EDIL3: variants seen among roughly 807,000 people sequenced by gnomAD.
The protein encoded by EDIL3 is EGF-like repeat and discoidin I-like domain-containing protein 3.
In EDIL3, 37 loss-of-function variants were observed where a neutral mutation model predicts 67.4. The ratio of observed to expected loss-of-function variants is 0.55; its 90% CI spans 0.42 to 0.72. The LOEUF is 0.72. Ranked by LOEUF, EDIL3 falls within the 30% of genes least tolerant of loss-of-function variation. EDIL3 has a pLI of 0.00. For missense variants in EDIL3, 527 were observed against 586.3 expected, an observed-to-expected ratio of 0.90 and a Z score of 1.04; for synonymous variants, 195 against 196.3, an observed-to-expected ratio of 0.99 and a Z score of 0.05.
chr5:84,373,032 A>G (rs1455767733), intron 1 of EDIL3, among the ~76,000 whole-genome samples: 3 of 152,068 alleles, frequency 2.0e-5, no homozygotes, highest in Non-Finnish European at 4.4e-5. Flanking sequence ...GGGTCTGAAC[A>G]TGTGGTACCA....
At chr5:84,204,744 A>C (rs1743921836) in intron 3 of EDIL3, among the ~76,000 whole-genome samples, 1 of 151,778 alleles carries the variant, frequency 6.6e-6, no homozygotes, top group African/African-American at 2.4e-5. Flanking sequence ...ATAGTTCTTA[A>C]AATTTTCTTT....
In EDIL3 at chr5:84,141,485, A is replaced by T. The variant is rs893368921; in HGVS notation, c.356-4131T>A. Among the ~76,000 whole-genome samples the T allele has an allele frequency of 3.6e-4, 53 of 147,072 alleles. 1 individual carries two copies. Among genetic ancestry groups the T allele is most frequent in the African/African-American group, 1.3e-3 (52 of 40,632 alleles). On this transcript the variant is annotated intron_variant, in intron 4 of 10. Coordinates refer to ENST00000296591, the MANE Select transcript of EDIL3 (RefSeq NM_005711.5). ...TATGAAATTATGAAATATATATTTC[A>T]TAATTATATATATTATATATAATAT...
rs553731389 is a variant in EDIL3 at position 84,040,503 on chromosome 5, A to G, written c.1137+19797T>C. ...TTAATTATATATATAAAGGGTATATATAGATATATAATTATATATATATAT... is the reference window on the plus strand; with the variant it reads ...TTAATTATATATATAAAGGGTATATGTAGATATATAATTATATATATATAT... On this transcript the variant is annotated intron_variant, in intron 9 of 10. Transcript: ENST00000296591. 1.6e-3 allele frequency among the ~76,000 whole-genome samples: 240 copies of G among 148,068 alleles called. 2 individuals carry two copies. The highest frequency in any genetic ancestry group is 5.6e-3 in the African/African-American group (228 of 40,570).
chr5:84,382,220 T>C (rs1008775790), intron 1 of EDIL3, among the ~76,000 whole-genome samples: 3 of 152,198 alleles, frequency 2.0e-5, no homozygotes, highest in Non-Finnish European at 4.4e-5. Context: ...CTGAAGAATA[T>C]GGAGCATCCA....
chr5:84,024,719 A>C (rs1410052628), intron 9 of EDIL3, among the ~76,000 whole-genome samples: 1 of 152,198 alleles, frequency 6.6e-6, no homozygotes, highest in African/African-American at 2.4e-5. Context: ...TATTTCACAC[A>C]ACATGAAATA....
chr5:83,953,931 C>T (rs1323022307), intron 10 of EDIL3, among the ~76,000 whole-genome samples: 1 of 151,720 alleles, frequency 6.6e-6, no homozygotes, highest in Non-Finnish European at 1.5e-5. Flanking sequence ...AAAATCATTG[C>T]CAAATGATTA....
chr5:84,354,849 C>A (rs974563374), intron 1 of EDIL3, among the ~76,000 whole-genome samples: 3 of 151,988 alleles, frequency 2.0e-5, no homozygotes, highest in African/African-American at 4.8e-5. Context: ...TTATAAGAAT[C>A]ATTTTAGTAT....
intron 8 of EDIL3, among the ~76,000 whole-genome samples, chr5:84,063,050 C>T (rs1212085623): frequency 6.6e-6 from 1 of 152,120 alleles, no homozygotes; most frequent in Non-Finnish European, 1.5e-5. Context: ...TGCAGCACTG[C>T]TTCTTTTTGA....
chr5:84,286,686 A>G (rs983335495), intron 1 of EDIL3, among the ~76,000 whole-genome samples: 1 of 152,220 alleles, frequency 6.6e-6, no homozygotes, highest in African/African-American at 2.4e-5. Context: ...GGGCAATAGA[A>G]TAAATAGAAT....
Position 84,309,313 on chromosome 5 carries a change from G to GTT in EDIL3, c.68-55103_68-55102dup. ...TTTTCCTCTTTCTTTTTTTTTCTTT[G>GTT]TTTTTTTTTTTTTTTGGCGATTTCT... On this transcript the variant is annotated intron_variant, in intron 1 of 10. Coordinates refer to ENST00000296591, the MANE Select transcript of EDIL3 (RefSeq NM_005711.5). 6.6e-3 allele frequency among the ~76,000 whole-genome samples: 585 copies of GTT among 89,248 alleles called. 12 individuals carry two copies. Among genetic ancestry groups the GTT allele is most frequent in the African/African-American group, 0.022 (551 of 24,566 alleles). The allele number at this position is 89,248 out of a possible 152,430, so 58.6% of individuals were successfully genotyped here.
intron 3 of EDIL3, among the ~76,000 whole-genome samples, chr5:84,190,923 A>G (rs1434721922): frequency 1.3e-5 from 2 of 151,898 alleles, no homozygotes; most frequent in African/African-American, 4.8e-5. Context: ...ATATTTTGAT[A>G]TTGTTTCATA....
chr5:84,249,842 C>A (rs960460465), intron 2 of EDIL3, among the ~76,000 whole-genome samples: 32 of 152,012 alleles, frequency 2.1e-4, no homozygotes, highest in African/African-American at 7.0e-4. Context: ...TGCCTGTAAT[C>A]CCAGCACTTT....
At chr5:84,311,312 CTT>C (rs900034474) in intron 1 of EDIL3, among the ~76,000 whole-genome samples, 22 of 93,902 alleles carry the variant, frequency 2.3e-4, no homozygotes, top group African/African-American at 7.4e-4. Context: ...AATGTATTTT[CTT>C]TTTTTTTTTC....
In EDIL3 at chr5:84,384,742, G is replaced by C. The variant is rs935191871; in HGVS notation, c.-368C>G. The stretch of plus-strand genomic sequence containing the variant: ...CAGGCAGACCCACCGGCAGACAGGC[G>C]GACCGGGCGCTCGGCTGTCGCTGTT... On this transcript the variant is annotated 5_prime_UTR_variant, in exon 1 of 11. Transcript: ENST00000296591. The C allele has an allele frequency of 1.3e-5, 2 of 154,940 alleles. No homozygotes were observed. Among genetic ancestry groups the C allele is most frequent in the Non-Finnish European group, 2.9e-5 (2 of 70,082 alleles). 9.6% of individuals were successfully genotyped at this position (154,940 alleles called of 1,614,324 possible).
chr5:84,160,819 C>CCTTTTCCTTTCCTTTT (rs1258829510), intron 4 of EDIL3, among the ~76,000 whole-genome samples: 1 of 69,128 alleles, frequency 1.4e-5, no homozygotes, highest in African/African-American at 6.3e-5. Flanking sequence ...CCTTTCCTTT[C>CCTTTTCCTTTCCTTTT]CCTTTCCTTT....
chr5:83,992,534 A>G (rs1398269350), intron 9 of EDIL3, among the ~76,000 whole-genome samples: 1 of 152,200 alleles, frequency 6.6e-6, no homozygotes, highest in Non-Finnish European at 1.5e-5. Flanking sequence ...GAAGGCAAGC[A>G]AATAAACAGT....
chr5:84,253,194 CA>C (rs970767584), intron 2 of EDIL3, among the ~76,000 whole-genome samples: 1 of 152,072 alleles, frequency 6.6e-6, no homozygotes, highest in African/African-American at 2.4e-5. Flanking sequence ...TTTTCTTTTT[CA>C]AAACTATTTC....
At chr5:84,023,839 C>T (rs144341531) in intron 9 of EDIL3, among the ~76,000 whole-genome samples, 1 of 152,034 alleles carries the variant, frequency 6.6e-6, no homozygotes, top group African/African-American at 2.4e-5. Context: ...ATGAAAAAAC[C>T]CATAAAATTA....
At chr5:84,291,326 C>A (rs1272369331) in intron 1 of EDIL3, among the ~76,000 whole-genome samples, 1 of 152,098 alleles carries the variant, frequency 6.6e-6, no homozygotes, top group Non-Finnish European at 1.5e-5. Context: ...CATGAATGCA[C>A]AACCGGTTTG....
Sources: gnomAD v4.1 joint callset for allele counts (sites outside exome capture counted in the v4.1 genomes callset) on GRCh38, gnomAD v4.1.1 for gene constraint, MANE v1.5 for transcripts, NCBI Gene and HGNC (gene_info 2026-07-23, HGNC 2026-07-21) for gene names.